The following VTCN1 variants were observed in gnomAD, a reference collection of about 807,000 sequenced individuals.
The protein encoded by VTCN1 is V-set domain-containing T-cell activation inhibitor 1.
In VTCN1, 26 loss-of-function variants were observed where a neutral mutation model predicts 26.5. The ratio of observed to expected loss-of-function variants is 0.98; its 90% CI spans 0.72 to 1.36. VTCN1 has a LOEUF of 1.36. VTCN1 is among the 40% of genes most tolerant of loss of function. The pLI is 0.00. For missense variants in VTCN1, 298 were observed against 337.7 expected, an observed-to-expected ratio of 0.88 and a Z score of 0.92; for synonymous variants, 116 against 130.7, an observed-to-expected ratio of 0.89 and a Z score of 0.77.
At chr1:117,163,100 T>A (rs1019668973) in intron 2 of VTCN1, among the ~76,000 whole-genome samples, 1 of 152,088 alleles carries the variant, frequency 6.6e-6, no homozygotes, top group Non-Finnish European at 1.5e-5. Flanking sequence ...AACCTGTGAG[T>A]GTCACTCTTG....
chr1:117,207,411 C>A (rs939444921), intron 1 of VTCN1, among the ~76,000 whole-genome samples: 1 of 152,090 alleles, frequency 6.6e-6, no homozygotes, highest in African/African-American at 2.4e-5. Flanking sequence ...CTCTTGCTAC[C>A]TGTCTTGCCA....
In VTCN1 at chr1:117,159,630, C is replaced by T. The variant is rs1227775291; in HGVS notation, c.98-2709G>A. Among the ~76,000 whole-genome samples the T allele has an allele frequency of 6.6e-6, 1 of 152,200 alleles. No individual in the cohort carries two copies. The highest frequency in any genetic ancestry group is 1.5e-5 in the Non-Finnish European group (1 of 68,034). On this transcript the variant is annotated intron_variant, in intron 2 of 5. Transcript: ENST00000369458. This position sits in a 1 kb window ranked among gnomAD's most constrained non-coding sequence, Gnocchi z 4.7. Reference sequence around the variant, plus strand: ...ACCTGATTTGCAAACTGTAATTACACATATAAGGTATTGTTATTCTCAGTT... The same window carrying T: ...ACCTGATTTGCAAACTGTAATTACATATATAAGGTATTGTTATTCTCAGTT...
intron 2 of VTCN1, among the ~76,000 whole-genome samples, chr1:117,162,432 C>T (rs758708782): frequency 3.5e-4 from 54 of 152,262 alleles, no homozygotes; most frequent in South Asian, 6.2e-4. Context: ...GCCTACTGAC[C>T]ACCAGAGATT....
At chr1:117,200,996 G>A (rs1648757134) in intron 1 of VTCN1, among the ~76,000 whole-genome samples, 1 of 152,134 alleles carries the variant, frequency 6.6e-6, no homozygotes, top group Non-Finnish European at 1.5e-5. Context: ...GCCTAATCTG[G>A]TCTCGAATTC....
At position 117,144,549 on chromosome 1, in the gene VTCN1, C is replaced by A. The variant is rs1189210308; in HGVS notation, c.*722G>T. Reference sequence around the variant, plus strand: ...TGGACCATTCACGGATGAACATCATCTGAGAAATAAACCCGCATTTGTTTG... The same window carrying A: ...TGGACCATTCACGGATGAACATCATATGAGAAATAAACCCGCATTTGTTTG... On this transcript the variant is annotated 3_prime_UTR_variant, in exon 6 of 6. Transcript: ENST00000369458. The A allele has an allele frequency of 6.6e-6, 1 of 152,140 alleles. No individual in the cohort carries two copies. The highest frequency in any genetic ancestry group is 1.5e-5 in the Non-Finnish European group (1 of 68,030). The allele number at this position is 152,140 out of a possible 1,614,324, so 9.4% of individuals were successfully genotyped here. A position where few individuals can be genotyped will look rare whatever the true frequency, so the allele number is the denominator to read the frequency against.
At chr1:117,196,296 A>G (rs1192011056) in intron 1 of VTCN1, among the ~76,000 whole-genome samples, 1 of 152,102 alleles carries the variant, frequency 6.6e-6, no homozygotes, top group Non-Finnish European at 1.5e-5. Flanking sequence ...ATCATATTAT[A>G]GAAGAAGATT....
In VTCN1 at chr1:117,161,606, A is replaced by G. The variant is rs1419686559; in HGVS notation, c.98-4685T>C. 6.6e-6 allele frequency among the ~76,000 whole-genome samples: 1 copy of G among 152,194 alleles called. No individual in the cohort carries two copies. Among genetic ancestry groups the G allele is most frequent in the Non-Finnish European group, 1.5e-5 (1 of 68,020 alleles). ...TAGAGCTATGTTTCTGCAGAGAAAA[A>G]TAATGTTTGCTGAGTTTATGAATAA... On this transcript the variant is annotated intron_variant, in intron 2 of 5. Coordinates refer to ENST00000369458, the MANE Select transcript of VTCN1 (RefSeq NM_024626.4). This position sits in a 1 kb window ranked among gnomAD's most constrained non-coding sequence, Gnocchi z 4.3.
intron 4 of VTCN1, among the ~76,000 whole-genome samples, chr1:117,152,448 T>C (rs1031948303): frequency 2.0e-5 from 3 of 152,198 alleles, no homozygotes; most frequent in Non-Finnish European, 4.4e-5. Flanking sequence ...ATTTTCTTGA[T>C]ACTAGCTCAA....
chr1:117,152,884 T>C (rs964425273), intron 4 of VTCN1, among the ~76,000 whole-genome samples: 11 of 152,186 alleles, frequency 7.2e-5, no homozygotes, highest in African/African-American at 2.4e-4. Flanking sequence ...CTAATTGCCA[T>C]CTTTGACCTA....
chr1:117,192,839 A>G (rs1436134506), intron 1 of VTCN1, among the ~76,000 whole-genome samples: 2 of 152,214 alleles, frequency 1.3e-5, no homozygotes, highest in Non-Finnish European at 2.9e-5. Flanking sequence ...GGAAGACAGA[A>G]AGACAGAAGG....
At position 117,162,190 on chromosome 1, in the gene VTCN1, C is replaced by G. The variant is rs116317908; in HGVS notation, c.98-5269G>C. 6.3e-3 allele frequency among the ~76,000 whole-genome samples: 961 copies of G among 152,142 alleles called. 6 individuals carry two copies. Among genetic ancestry groups the G allele is most frequent in the Non-Finnish European group, 8.2e-3 (560 of 68,000 alleles). On this transcript the variant is annotated intron_variant, in intron 2 of 5. Coordinates refer to ENST00000369458, the MANE Select transcript of VTCN1 (RefSeq NM_024626.4). ...GTCAAATAAAGAAGAGAAATAAGAGCCAGTGAGAACTTAAAAAAACCACAG... is the reference window on the plus strand; with the variant it reads ...GTCAAATAAAGAAGAGAAATAAGAGGCAGTGAGAACTTAAAAAAACCACAG...
chr1:117,199,285 G>T (rs1003040231), intron 1 of VTCN1, among the ~76,000 whole-genome samples: 6 of 152,130 alleles, frequency 3.9e-5, no homozygotes, highest in Non-Finnish European at 8.8e-5. Context: ...GAATGTCCTA[G>T]AAGAATATAT....
rs1651369553 is a variant in VTCN1 at position 117,143,761 on chromosome 1, T to C, written c.*1510A>G. ...ACAAAGTATTCTTTTCCTTCAAAGC[T>C]TCATTCCTCAAGGCCTCAATTCAAG... On this transcript the variant is annotated 3_prime_UTR_variant, in exon 6 of 6. Coordinates refer to ENST00000369458, the MANE Select transcript of VTCN1 (RefSeq NM_024626.4). 1 of 152,228 alleles carries C rather than the reference T, an allele frequency of 6.6e-6. No homozygotes were observed. The highest frequency in any genetic ancestry group is 6.5e-5 in the Admixed American group (1 of 15,276). 9.4% of individuals were successfully genotyped at this position (152,228 alleles called of 1,614,324 possible).
At chr1:117,165,936 A>G (rs775254212) in intron 2 of VTCN1, among the ~76,000 whole-genome samples, 5 of 152,360 alleles carry the variant, frequency 3.3e-5, no homozygotes, top group Middle Eastern at 6.8e-3. Context: ...AATTGAAAAA[A>G]TCCAACTAAA....
chr1:117,170,386 G>A (rs1314236734), intron 1 of VTCN1: 3 of 649,392 alleles, frequency 4.6e-6, no homozygotes, highest in Non-Finnish European at 5.8e-6. Flanking sequence ...TCAATGAAAA[G>A]AGTGACCCTT....
At chr1:117,172,632 T>A (rs1174467879) in intron 1 of VTCN1, among the ~76,000 whole-genome samples, 1 of 151,828 alleles carries the variant, frequency 6.6e-6, no homozygotes, top group Non-Finnish European at 1.5e-5. Context: ...TTATAAAGGC[T>A]GCATGTGTCC....
chr1:117,208,559 T>G (rs183731716), intron 1 of VTCN1, among the ~76,000 whole-genome samples: 3 of 152,356 alleles, frequency 2.0e-5, no homozygotes, highest in Non-Finnish European at 2.9e-5. Flanking sequence ...ACACAGTGAG[T>G]GCTCAGTTAA....
intron 2 of VTCN1, 95 bp downstream of exon 2, chr1:117,170,012 C>T: frequency 8.1e-7 from 1 of 1,233,650 alleles, no homozygotes; most frequent in African/African-American, 1.5e-5. Context: ...TTTTCTGGGT[C>T]AAAGCTCTGG....
At chr1:117,185,870 A>G (rs1214576314) in intron 1 of VTCN1, among the ~76,000 whole-genome samples, 1 of 152,198 alleles carries the variant, frequency 6.6e-6, no homozygotes, top group Non-Finnish European at 1.5e-5. Flanking sequence ...AGGTTGAACC[A>G]ATGTAAAGCT....
Sources: allele counts gnomAD v4.1 joint callset (sites outside exome capture counted in the v4.1 genomes callset), GRCh38; gene constraint gnomAD v4.1.1; non-coding constraint Gnocchi (gnomAD v3.1); transcripts MANE v1.5; gene names NCBI Gene and HGNC (gene_info 2026-07-23, HGNC 2026-07-21).